Variants in ANO2 observed in about 807,000 individuals in gnomAD.
ANO2 encodes anoctamin 2, also known as anoctamin-2.
In ANO2, 101 loss-of-function variants were observed where a neutral mutation model predicts 124.2. The observed-to-expected ratio is 0.81, with a 90% CI of 0.69 to 0.96. The LOEUF is 0.96. Among genes scored for constraint, ANO2 ranks in the 40% least tolerant of loss-of-function variants. The pLI is 0.00. For missense variants in ANO2, 1,293 were observed against 1,274.5 expected (o/e 1.01, Z -0.22); for synonymous variants, 486 against 482.5 (o/e 1.01, Z -0.09).
chr12:5,919,184 G>A (rs146189018), intron 3 of ANO2, among the ~76,000 whole-genome samples: 4 of 152,306 alleles, frequency 2.6e-5, no homozygotes, highest in South Asian at 4.1e-4. Context: ...GGACGGGGTG[G>A]GGGTATTTTG....
chr12:5,699,098 A>G (rs1949303211), intron 14 of ANO2, among the ~76,000 whole-genome samples: 1 of 152,230 alleles, frequency 6.6e-6, no homozygotes, highest in South Asian at 2.1e-4. Flanking sequence ...AGAATGCCAC[A>G]AAGGTACTCC....
intron 14 of ANO2, among the ~76,000 whole-genome samples, chr12:5,725,053 A>G (rs1264559456): frequency 6.6e-6 from 1 of 151,592 alleles, no homozygotes; most frequent in Non-Finnish European, 1.5e-5. Flanking sequence ...GTGTCACTCC[A>G]ATGACACCAT....
chr12:5,826,189 T>TTGGGGATGAGTGCATTGGGATGAG (rs1953948645), intron 7 of ANO2, among the ~76,000 whole-genome samples: 2 of 152,168 alleles, frequency 1.3e-5, no homozygotes, highest in African/African-American at 2.4e-5. Flanking sequence ...GCATTTCCGG[T>TTGGGGATGAGTGCATTGGGATGAG]TGTACGAAGG....
Position 5,576,019 on chromosome 12 carries a change from A to AG in ANO2, c.2440-5dup. On this transcript the variant is annotated splice_polypyrimidine_tract_variant and splice_region_variant and intron_variant, in intron 22 of 24. Transcript: ENST00000682330. ...AGGTGATCGCAATGACAAAAGCCTG[A>AG]GGGACAGAACCATAAGCACTGAGTA... is the stretch of plus-strand genomic sequence containing the variant. 6.2e-7 allele frequency: 1 copy of AG among 1,600,122 alleles called. No individual in the cohort carries two copies. Among genetic ancestry groups the AG allele is most frequent in the Non-Finnish European group, 8.5e-7 (1 of 1,172,796 alleles).
chr12:5,606,062 A>G (rs933871053), intron 19 of ANO2, among the ~76,000 whole-genome samples: 1 of 152,116 alleles, frequency 6.6e-6, no homozygotes, highest in East Asian at 1.9e-4. Context: ...CGGTGACCCC[A>G]TTTTACTGCC....
intron 10 of ANO2, among the ~76,000 whole-genome samples, chr12:5,782,209 T>C (rs1011766330): frequency 1.2e-4 from 18 of 152,370 alleles, no homozygotes; most frequent in South Asian, 1.0e-3. Flanking sequence ...ATATGTCTGA[T>C]AATATTCTTT....
At chr12:5,930,084 G>A (rs1453580799) in intron 1 of ANO2, among the ~76,000 whole-genome samples, 51 of 119,844 alleles carry the variant, frequency 4.3e-4, no homozygotes, top group African/African-American at 1.2e-3. Flanking sequence ...TTCCTCACTC[G>A]TCTACCTTCT....
intron 20 of ANO2, among the ~76,000 whole-genome samples, chr12:5,589,674 T>C (rs1943298534): frequency 6.6e-6 from 1 of 152,094 alleles, no homozygotes; most frequent in South Asian, 2.1e-4. Flanking sequence ...AGGAGACAGC[T>C]TGTCTGAAAT....
intron 14 of ANO2, among the ~76,000 whole-genome samples, chr12:5,691,629 C>A (rs1200620859): frequency 6.6e-6 from 1 of 152,004 alleles, no homozygotes; most frequent in Non-Finnish European, 1.5e-5. Context: ...GCAGGCCAGG[C>A]ACAGTGGCTC....
At chr12:5,790,017 G>A (rs900335921) in intron 10 of ANO2, among the ~76,000 whole-genome samples, 4 of 152,154 alleles carry the variant, frequency 2.6e-5, no homozygotes, top group Admixed American at 6.5e-5. Context: ...CAGTTGAGCC[G>A]TGTCCCTGGT....
chr12:5,641,361 C>T (rs1431025604), intron 15 of ANO2, among the ~76,000 whole-genome samples: 3 of 151,942 alleles, frequency 2.0e-5, no homozygotes, highest in African/African-American at 7.3e-5. Context: ...TACCCTAGAA[C>T]TTAATGCATA....
chr12:5,851,139 T>C (rs1430989168), intron 4 of ANO2, among the ~76,000 whole-genome samples: 2 of 152,158 alleles, frequency 1.3e-5, no homozygotes, highest in East Asian at 3.9e-4. Context: ...CTTTATACTA[T>C]GTTCTCACCC....
chr12:5,883,638 C>G (rs1003580633), intron 3 of ANO2, among the ~76,000 whole-genome samples: 1 of 151,922 alleles, frequency 6.6e-6, no homozygotes, highest in African/African-American at 2.4e-5. Context: ...TGTGGAGGGG[C>G]TCTAGGCCGG....
intron 23 of ANO2, among the ~76,000 whole-genome samples, chr12:5,569,385 C>T (rs1479783244): frequency 6.6e-6 from 1 of 152,108 alleles, no homozygotes; most frequent in Admixed American, 6.5e-5. Context: ...AGAGTTTTAT[C>T]CCCAGCATAT....
chr12:5,821,469 C>G (rs934667817), intron 7 of ANO2, among the ~76,000 whole-genome samples: 12 of 152,212 alleles, frequency 7.9e-5, no homozygotes, highest in African/African-American at 2.7e-4. Flanking sequence ...GGCTCTGCAA[C>G]AGGTCCAGGC....
chr12:5,804,085 A>G (rs1953122760), intron 9 of ANO2, among the ~76,000 whole-genome samples: 1 of 152,190 alleles, frequency 6.6e-6, no homozygotes, highest in South Asian at 2.1e-4. Flanking sequence ...TTCAGCTCCA[A>G]ATGCAGGGGT....
intron 4 of ANO2, among the ~76,000 whole-genome samples, chr12:5,846,925 A>G (rs1954702383): frequency 6.6e-6 from 1 of 152,208 alleles, no homozygotes. Context: ...ATCTTTTTGA[A>G]TGCCACTATT....
At chr12:5,841,029 G>T (rs1954497095) in intron 4 of ANO2, among the ~76,000 whole-genome samples, 1 of 152,112 alleles carries the variant, frequency 6.6e-6, no homozygotes, top group South Asian at 2.1e-4. Context: ...AAGAAGGGAG[G>T]AGCAAGAGAA....
At chr12:5,804,301 C>CAGA (rs1418077237) in intron 9 of ANO2, among the ~76,000 whole-genome samples, 1 of 152,340 alleles carries the variant, frequency 6.6e-6, no homozygotes, top group East Asian at 1.9e-4. Flanking sequence ...TCTTGCTTAA[C>CAGA]AGAAGAAGCT....
Sources: gnomAD v4.1 joint callset for allele counts (sites outside exome capture counted in the v4.1 genomes callset) on GRCh38, gnomAD v4.1.1 for gene constraint, MANE v1.5 for transcripts, NCBI Gene and HGNC (gene_info 2026-07-23, HGNC 2026-07-21) for gene names.